Variants in SIPA1L3 observed in about 807,000 individuals in gnomAD.
SIPA1L3 encodes the protein signal induced proliferation associated 1 like 3.
Under a neutral mutation model 150.1 loss-of-function variants are expected in SIPA1L3, and 59 were observed. The observed-to-expected ratio is 0.39, with a 90% confidence interval of 0.32 to 0.49. The LOEUF (loss-of-function observed/expected upper bound fraction) is 0.49. Among genes scored for constraint, SIPA1L3 ranks in the 20% least tolerant of loss-of-function variants. SIPA1L3 has a pLI of 0.86. For missense variants in SIPA1L3, 2,211 were observed against 2,489.5 expected (o/e 0.89, Z 2.38); for synonymous variants, 1,070 against 1,077.6 (o/e 0.99, Z 0.14).
At chr19:38,104,477 G>A (rs749173986) in intron 6 of SIPA1L3, among the ~76,000 whole-genome samples, 2 of 152,220 alleles carry the variant, frequency 1.3e-5, no homozygotes, top group Admixed American at 6.5e-5. Flanking sequence ...CTCCGCCAGC[G>A]TGGGTGTCCC....
Position 37,945,893 on chromosome 19 carries a change from G to A in SIPA1L3, c.-379+38535G>A, listed in dbSNP as rs185795489. 3.5e-4 allele frequency among the ~76,000 whole-genome samples: 53 copies of A among 152,162 alleles called. No individual in the cohort carries two copies. In the East Asian group the frequency reaches 9.2e-3, roughly 26 times the overall value. ...CTTGTGGCTGGGCGTGGTGGCTCAC[G>A]CCTGTAATACCAGCACTTTGGGAGG... On this transcript the variant is annotated intron_variant, in intron 1 of 21. Transcript: ENST00000222345.
At chr19:38,132,451 G>T (rs895963297) in intron 10 of SIPA1L3, among the ~76,000 whole-genome samples, 1 of 151,296 alleles carries the variant, frequency 6.6e-6, no homozygotes, top group African/African-American at 2.4e-5. Context: ...GGGCGTGGTG[G>T]CGCATGCCTG....
At chr19:38,081,224 G>A (rs998581405) in intron 2 of SIPA1L3, 32 bp from the exon 3 acceptor site, 12 of 406,886 alleles carry the variant, frequency 2.9e-5, no homozygotes, top group Admixed American at 2.4e-4. Flanking sequence ...CACGGCCATC[G>A]CAGCTCATAT....
At chr19:38,179,700 C>T (rs1300049465) in intron 15 of SIPA1L3, among the ~76,000 whole-genome samples, 1 of 152,072 alleles carries the variant, frequency 6.6e-6, no homozygotes, top group Non-Finnish European at 1.5e-5. Context: ...AGTCTTATGT[C>T]TTTAAGGAAG....
intron 15 of SIPA1L3, among the ~76,000 whole-genome samples, chr19:38,166,491 A>T (rs1972215046): frequency 6.6e-6 from 1 of 151,956 alleles, no homozygotes; most frequent in African/African-American, 2.4e-5. Flanking sequence ...AAAAGCAGGA[A>T]TTGGCGAGCC....
At position 38,206,124 on chromosome 19, in the gene SIPA1L3, T is replaced by A; in HGVS notation, c.5230T>A (p.Ser1744Thr). The A allele has an allele frequency of 6.4e-7, 1 of 1,550,494 alleles. No homozygotes were observed. The part of the protein sequence containing the change: ...KEKQDKVVLQ[S>T]EVASLRQNNQ... ...GAAGCAGGACAAGGTGGTGCTCCAGTCAGAGGTGGCCAGCCTGCGGCAGAA... is the reference window on the plus strand; with the variant it reads ...GAAGCAGGACAAGGTGGTGCTCCAGACAGAGGTGGCCAGCCTGCGGCAGAA... The change falls in exon 22 of 22, where the codon TCA becomes ACA. Residue 1744 changes from serine (S) to threonine (T), a missense_variant. Around this residue, in one of 5 missense-constraint regions of SIPA1L3, gnomAD observed 63 missense variants for 106.1 expected, o/e 0.59. Transcript: ENST00000222345.
At chr19:38,149,081 T>C (rs1218901307) in intron 12 of SIPA1L3, among the ~76,000 whole-genome samples, 1 of 152,216 alleles carries the variant, frequency 6.6e-6, no homozygotes, top group African/African-American at 2.4e-5. Context: ...TCAGTTTGCA[T>C]TGGGATAATA....
chr19:38,119,518 A>G lies in SIPA1L3; in HGVS notation c.2504A>G (p.Asn835Ser), dbSNP rs140175745. The change falls in exon 9 of 22, where the codon AAC becomes AGC. Residue 835 changes from asparagine to serine, a missense_variant. By Grantham distance (46) the Asn-to-Ser change is conservative. Transcript: ENST00000222345. ...LKDLAENCVS[N>S]TPIDSTGKFN... ...GACCTGGCCGAAAACTGTGTCTCCA[A>G]CACCCCCATCGACTCCACCGGCAAA... The G allele has an allele frequency of 3.7e-5, 59 of 1,613,954 alleles. No homozygotes were observed. The highest frequency in any genetic ancestry group is 4.8e-5 in the Non-Finnish European group (57 of 1,180,014).
At chr19:38,035,007 A>G (rs2145728123) in intron 2 of SIPA1L3, among the ~76,000 whole-genome samples, 1 of 152,306 alleles carries the variant, frequency 6.6e-6, no homozygotes, top group East Asian at 1.9e-4. Flanking sequence ...TGAGGGAAGC[A>G]GACCTTCAGA....
At chr19:37,955,322 C>T (rs1478337303) in intron 1 of SIPA1L3, among the ~76,000 whole-genome samples, 1 of 150,158 alleles carries the variant, frequency 6.7e-6, no homozygotes, top group African/African-American at 2.5e-5. Context: ...ACCTAGGAGG[C>T]GGAGGTTGCC....
intron 1 of SIPA1L3, among the ~76,000 whole-genome samples, chr19:37,976,104 T>TAAAAAAAAAAAAAAAAAA (rs374630193): frequency 1.7e-5 from 2 of 120,318 alleles, no homozygotes; most frequent in African/African-American, 3.0e-5. Context: ...GGCTCTGTCT[T>TAAAAAAAAAAAAAAAAAA]AAAAAAAAAA....
intron 15 of SIPA1L3, among the ~76,000 whole-genome samples, chr19:38,179,533 T>A (rs1972513992): frequency 6.6e-6 from 1 of 152,250 alleles, no homozygotes; most frequent in African/African-American, 2.4e-5. Flanking sequence ...AATGTGCGTC[T>A]ATCACTGCAA....
At chr19:37,942,859 C>T (rs1437225897) in intron 1 of SIPA1L3, among the ~76,000 whole-genome samples, 1 of 151,826 alleles carries the variant, frequency 6.6e-6, no homozygotes, top group African/African-American at 2.4e-5. Context: ...TAGCCCCAGT[C>T]CCCTTTAACA....
At chr19:37,940,076 G>A (rs141652897) in intron 1 of SIPA1L3, among the ~76,000 whole-genome samples, 6 of 152,320 alleles carry the variant, frequency 3.9e-5, no homozygotes, top group Non-Finnish European at 8.8e-5. Context: ...CAGCTAGATA[G>A]TAAGCAAGTC....
At chr19:37,996,355 A>G (rs961228016) in intron 1 of SIPA1L3, among the ~76,000 whole-genome samples, 4 of 152,198 alleles carry the variant, frequency 2.6e-5, no homozygotes, top group Non-Finnish European at 5.9e-5. Flanking sequence ...CCTCCCGAGT[A>G]TCTGGATTTA....
At chr19:37,914,394 A>G (rs1222090386) in intron 1 of SIPA1L3, among the ~76,000 whole-genome samples, 2 of 136,578 alleles carry the variant, frequency 1.5e-5, no homozygotes, top group Non-Finnish European at 3.1e-5. Context: ...TTTTTGTGGC[A>G]GGGTCTGCTC....
chr19:38,190,585 G>A lies in SIPA1L3; in HGVS notation c.4431-1560G>A, dbSNP rs145490317. Among the ~76,000 whole-genome samples, 133 of 152,124 alleles carry A rather than the reference G, an allele frequency of 8.7e-4. 1 individual carries two copies. Among genetic ancestry groups the A allele is most frequent in the African/African-American group, 2.9e-3 (120 of 41,506 alleles). The stretch of plus-strand genomic sequence containing the variant: ...AGGAAATCCAGTCTTTAAAACCCTC[G>A]GGAACCCAAGACATCTTATTTCTTC... On this transcript the variant is annotated intron_variant, in intron 16 of 21. Transcript: ENST00000222345.
At chr19:38,065,644 A>T (rs1312671647) in intron 2 of SIPA1L3, among the ~76,000 whole-genome samples, 3 of 151,072 alleles carry the variant, frequency 2.0e-5, no homozygotes, top group African/African-American at 4.9e-5. Context: ...CTGGTCTCGA[A>T]CTCCCGACCT....
chr19:38,182,890 G>C, intron 16 of SIPA1L3, 150 bp downstream of exon 16: 1 of 624,394 alleles, frequency 1.6e-6, no homozygotes, highest in South Asian at 2.2e-5. Context: ...CTGCAAGCAG[G>C]ACAGGCGAGA....
Sources: allele counts gnomAD v4.1 joint callset (sites outside exome capture counted in the v4.1 genomes callset), GRCh38; gene constraint gnomAD v4.1.1; regional missense constraint gnomAD v4.1.1; transcripts MANE v1.5; gene names NCBI Gene and HGNC (gene_info 2026-07-23, HGNC 2026-07-21).